NCK1: variants seen among roughly 807,000 people sequenced by gnomAD.
NCK1 encodes the protein SH2/SH3 adapter protein NCK1.
In NCK1, 19 loss-of-function variants were observed where a neutral mutation model predicts 36.6. The observed-to-expected ratio is 0.52, with a 90% CI of 0.36 to 0.76. The LOEUF is 0.76. Among genes scored for constraint, NCK1 ranks in the 30% least tolerant of loss-of-function variants. The pLI is 0.00. For missense variants in NCK1, 358 were observed against 445.6 expected, an observed-to-expected ratio of 0.80 and a Z score of 1.77; for synonymous variants, 165 against 156.0, an observed-to-expected ratio of 1.06 and a Z score of -0.43.
At chr3:136,901,325 T>C (rs536520797) in intron 1 of NCK1, among the ~76,000 whole-genome samples, 3 of 152,154 alleles carry the variant, frequency 2.0e-5, no homozygotes, top group African/African-American at 7.2e-5. Flanking sequence ...AATTTTTATC[T>C]CTGTGTTCAT....
At chr3:136,908,851 G>T (rs1339375913) in intron 1 of NCK1, among the ~76,000 whole-genome samples, 1 of 152,228 alleles carries the variant, frequency 6.6e-6, no homozygotes, top group Non-Finnish European at 1.5e-5. Flanking sequence ...ATACAGTATA[G>T]TGCTGTGGTT....
intron 2 of NCK1, among the ~76,000 whole-genome samples, chr3:136,941,086 T>C (rs1411742284): frequency 1.3e-5 from 2 of 151,674 alleles, no homozygotes; most frequent in African/African-American, 4.8e-5. Flanking sequence ...TCAATTCTTC[T>C]ATTACTGTCT....
intron 1 of NCK1, among the ~76,000 whole-genome samples, chr3:136,877,486 G>C (rs1938806757): frequency 6.6e-6 from 1 of 152,206 alleles, no homozygotes; most frequent in African/African-American, 2.4e-5. Flanking sequence ...CTTAGAGGAA[G>C]AGTTATAGCC....
intron 1 of NCK1, among the ~76,000 whole-genome samples, chr3:136,881,844 C>G (rs1199329418): frequency 6.6e-6 from 1 of 152,150 alleles, no homozygotes; most frequent in Non-Finnish European, 1.5e-5. Context: ...TTTTGTAGCA[C>G]ATGTCAAAAT....
At chr3:136,870,960 A>G (rs1328605091) in intron 1 of NCK1, among the ~76,000 whole-genome samples, 1 of 152,176 alleles carries the variant, frequency 6.6e-6, no homozygotes, top group Non-Finnish European at 1.5e-5. Flanking sequence ...TTCATTTATT[A>G]AATGTTATTT....
intron 2 of NCK1, among the ~76,000 whole-genome samples, chr3:136,942,959 T>C (rs1444405632): frequency 6.6e-6 from 1 of 152,160 alleles, no homozygotes; most frequent in Admixed American, 6.5e-5. Flanking sequence ...CAATCACAAT[T>C]GTTTAAGAAT....
At chr3:136,877,553 A>G (rs546508951) in intron 1 of NCK1, among the ~76,000 whole-genome samples, 4 of 152,360 alleles carry the variant, frequency 2.6e-5, no homozygotes, top group African/African-American at 9.6e-5. Flanking sequence ...GGACTTCTAA[A>G]TAAAGATGGC....
At chr3:136,919,759 A>C (rs1052751510) in intron 1 of NCK1, among the ~76,000 whole-genome samples, 6 of 152,186 alleles carry the variant, frequency 3.9e-5, no homozygotes, top group Non-Finnish European at 8.8e-5. Flanking sequence ...TTGGCTGTGT[A>C]TATAGGTCAT....
rs531291226 is a variant in NCK1, at chr3:136,899,788, T to C, written c.-18-28196T>C. The C allele has an allele frequency of 3.5e-6, 5 of 1,445,396 alleles. No individual in the cohort carries two copies. The African/African-American group carries it at 7.0e-5, about 20-fold the overall frequency. 89.5% of individuals were successfully genotyped at this position (1,445,396 alleles called of 1,614,324 possible). On this transcript the variant is annotated intron_variant, in intron 1 of 3. Coordinates refer to ENST00000481752, the MANE Select transcript of NCK1 (RefSeq NM_001291999.2). ...TCTTGAGACTTCTGCACATTAGTGG[T>C]GACTGTTGAAAGTTCCTTCACTGAT...
intron 1 of NCK1, among the ~76,000 whole-genome samples, chr3:136,886,638 A>C (rs1202671217): frequency 1.3e-5 from 2 of 152,246 alleles, no homozygotes; most frequent in East Asian, 3.9e-4. Context: ...TTGCTGTCAC[A>C]GTCTGTAGAT....
At chr3:136,906,466 G>T (rs1261270367) in intron 1 of NCK1, among the ~76,000 whole-genome samples, 1 of 152,146 alleles carries the variant, frequency 6.6e-6, no homozygotes, top group Non-Finnish European at 1.5e-5. Context: ...TCAGGCCCCA[G>T]TGGTGGCACC....
chr3:136,936,402 G>T (rs1037241284), intron 2 of NCK1, among the ~76,000 whole-genome samples: 14 of 152,150 alleles, frequency 9.2e-5, no homozygotes, highest in Non-Finnish European at 1.9e-4. Context: ...GTTCATAGAT[G>T]GACATTTGAA....
chr3:136,936,062 A>G (rs575341142), intron 2 of NCK1, among the ~76,000 whole-genome samples: 6 of 143,004 alleles, frequency 4.2e-5, no homozygotes, highest in African/African-American at 1.3e-4. Context: ...TTTTTCTGAG[A>G]CAGAGTCTCG....
intron 1 of NCK1, 38 bp from the exon 2 acceptor site, chr3:136,927,946 C>G: frequency 7.1e-7 from 1 of 1,411,620 alleles, no homozygotes; most frequent in South Asian, 1.2e-5. Flanking sequence ...CTAATACTAC[C>G]TCAACCTTAC....
At chr3:136,899,741 G>T in intron 1 of NCK1, 4 of 1,000,344 alleles carry the variant, frequency 4.0e-6, no homozygotes, top group East Asian at 2.4e-5. Context: ...TTCTACTATT[G>T]CCATGTTTTT....
chr3:136,910,782 A>C (rs1177353649), intron 1 of NCK1, among the ~76,000 whole-genome samples: 2 of 152,232 alleles, frequency 1.3e-5, no homozygotes, highest in Non-Finnish European at 2.9e-5. Context: ...CATTTTCATA[A>C]CGAGACATTT....
At chr3:136,925,621 C>T (rs1431419954) in intron 1 of NCK1, among the ~76,000 whole-genome samples, 3 of 152,092 alleles carry the variant, frequency 2.0e-5, no homozygotes, top group African/African-American at 7.2e-5. Flanking sequence ...ATATAGTTAA[C>T]CTTTGAGATT....
At chr3:136,920,711 C>T (rs1158625499) in intron 1 of NCK1, among the ~76,000 whole-genome samples, 2 of 151,962 alleles carry the variant, frequency 1.3e-5, no homozygotes, top group East Asian at 1.9e-4. Flanking sequence ...TGACTACAAA[C>T]GTAAGAGCAA....
intron 1 of NCK1, among the ~76,000 whole-genome samples, chr3:136,869,450 C>T (rs1264215117): frequency 6.6e-6 from 1 of 151,816 alleles, no homozygotes. Context: ...GAGGTTGAGA[C>T]AGGAGAATCA....
Sources: allele counts gnomAD v4.1 joint callset (sites outside exome capture counted in the v4.1 genomes callset), GRCh38; gene constraint gnomAD v4.1.1; transcripts MANE v1.5; gene names NCBI Gene and HGNC (gene_info 2026-07-23, HGNC 2026-07-21).